Variants in DNM3 observed in about 807,000 individuals in gnomAD.
DNM3 encodes the protein dynamin-3.
A neutral mutation model predicts 101.6 loss-of-function variants in DNM3; 47 were observed. The ratio of observed to expected loss-of-function variants is 0.46; its 90% CI spans 0.37 to 0.59. The LOEUF (loss-of-function observed/expected upper bound fraction) is 0.59, where lower values mean the gene tolerates loss of function less well. DNM3 is among the 20% of genes least tolerant of loss of function. DNM3 has a pLI of 0.00. For synonymous variants in DNM3, 385 were observed against 387.9 expected, an observed-to-expected ratio of 0.99 and a Z score of 0.09; for missense variants, 849 against 1,085.7, an observed-to-expected ratio of 0.78 and a Z score of 3.06.
chr1:172,343,158 C>T (rs900465787), intron 17 of DNM3, among the ~76,000 whole-genome samples: 18 of 152,120 alleles, frequency 1.2e-4, no homozygotes, highest in African/African-American at 4.3e-4. Context: ...GCTGATTAGA[C>T]ACCGTGTGGC....
chr1:172,045,908 A>G (rs931277655), intron 9 of DNM3, among the ~76,000 whole-genome samples: 1 of 152,176 alleles, frequency 6.6e-6, no homozygotes, highest in Non-Finnish European at 1.5e-5. Flanking sequence ...CAAAGGAGTT[A>G]TGATGCTTGA....
chr1:172,356,785 G>T (rs994994338), intron 17 of DNM3, among the ~76,000 whole-genome samples: 1 of 152,046 alleles, frequency 6.6e-6, no homozygotes, highest in Non-Finnish European at 1.5e-5. Context: ...CACAGAAAAA[G>T]ATAAGGTTAC....
At chr1:172,278,209 T>G (rs748485060) in intron 15 of DNM3, among the ~76,000 whole-genome samples, 1 of 151,710 alleles carries the variant, frequency 6.6e-6, no homozygotes, top group Non-Finnish European at 1.5e-5. Flanking sequence ...ATAGCTATGG[T>G]TTTTTTTCTG....
intron 15 of DNM3, among the ~76,000 whole-genome samples, chr1:172,295,434 A>G (rs957383382): frequency 1.3e-5 from 2 of 152,200 alleles, no homozygotes; most frequent in Non-Finnish European, 2.9e-5. Context: ...ATATGTCAGT[A>G]TTTCTAGATA....
chr1:172,072,889 A>G (rs766183653), intron 11 of DNM3, among the ~76,000 whole-genome samples: 1 of 152,332 alleles, frequency 6.6e-6, no homozygotes, highest in Middle Eastern at 3.4e-3. Context: ...TTGTCTCAAA[A>G]AACAACAACA....
intron 1 of DNM3, among the ~76,000 whole-genome samples, chr1:171,892,553 C>T (rs752113904): frequency 6.6e-6 from 1 of 152,224 alleles, no homozygotes; most frequent in Admixed American, 6.5e-5. Flanking sequence ...CTAGCCTCCT[C>T]CTCTTGCTTA....
intron 11 of DNM3, among the ~76,000 whole-genome samples, chr1:172,071,086 C>CATTTATATATATATATATATATAT (rs1553362024): frequency 1.5e-5 from 1 of 65,086 alleles, no homozygotes; most frequent in African/African-American, 7.7e-5. Context: ...CAAGACCCTG[C>CATTTATATATATATATATATATAT]ATATATATAT....
chr1:172,272,905 T>A (rs2421993), intron 15 of DNM3, among the ~76,000 whole-genome samples: 41,897 of 152,050 alleles, frequency 0.28, 5,912 homozygotes, highest in Middle Eastern at 0.39. Context: ...ATTTATCCTA[T>A]AAAATGCTTC....
rs116780096 is a variant in DNM3 at position 172,230,254 on chromosome 1, A to T, written c.1660-23319A>T. Among the ~76,000 whole-genome samples, 694 of 152,288 alleles carry T rather than the reference A, an allele frequency of 4.6e-3. 2 individuals carry two copies. Among genetic ancestry groups the T allele is most frequent in the African/African-American group, 0.016 (656 of 41,576 alleles). On this transcript the variant is annotated intron_variant, in intron 14 of 20. Transcript: ENST00000627582. ...CAAACTATAAAACTGGGTTTTTTCA[A>T]TTGAACAAAATTGTGGATGTGATAA...
At chr1:172,093,847 G>T (rs1258466979) in intron 13 of DNM3, 2 of 876,772 alleles carry the variant, frequency 2.3e-6, no homozygotes, top group Non-Finnish European at 3.5e-6. Context: ...AACTTAGGTT[G>T]TCTTGTCCGT....
chr1:172,258,358 T>C (rs954021627), intron 15 of DNM3, among the ~76,000 whole-genome samples: 2 of 152,146 alleles, frequency 1.3e-5, no homozygotes, highest in Non-Finnish European at 2.9e-5. Flanking sequence ...TTTTCCATAA[T>C]AGCTGTGCTG....
chr1:172,242,818 G>A (rs1427707727), intron 14 of DNM3, among the ~76,000 whole-genome samples: 1 of 152,070 alleles, frequency 6.6e-6, no homozygotes, highest in Non-Finnish European at 1.5e-5. Context: ...CACGCATGTG[G>A]GTACCAGGTG....
chr1:171,927,919 C>T (rs2040708756), intron 2 of DNM3, among the ~76,000 whole-genome samples: 1 of 152,174 alleles, frequency 6.6e-6, no homozygotes, highest in South Asian at 2.1e-4. Flanking sequence ...ATACTCTGGC[C>T]ATTTGAGTTA....
chr1:172,191,051 T>G (rs1336738042), intron 14 of DNM3, among the ~76,000 whole-genome samples: 1 of 152,178 alleles, frequency 6.6e-6, no homozygotes, highest in Non-Finnish European at 1.5e-5. Flanking sequence ...TTGGCTTTTG[T>G]TGCCATTGCT....
chr1:172,351,977 T>C (rs1451596116), intron 17 of DNM3, among the ~76,000 whole-genome samples: 3 of 152,156 alleles, frequency 2.0e-5, no homozygotes, highest in Non-Finnish European at 4.4e-5. Flanking sequence ...ACTAATACAA[T>C]AAACAACAGT....
At chr1:172,068,950 C>A in intron 11 of DNM3, 45 bp downstream of exon 11, 1 of 1,524,236 alleles carries the variant, frequency 6.6e-7, no homozygotes, top group South Asian at 1.2e-5. Flanking sequence ...TGTGGGAGGT[C>A]GAAGGTCTCT....
At chr1:172,092,610 A>G (rs2053985689) in intron 12 of DNM3, among the ~76,000 whole-genome samples, 1 of 152,108 alleles carries the variant, frequency 6.6e-6, no homozygotes, top group Admixed American at 6.5e-5. Context: ...TGGTGTTATT[A>G]TATTTTTGGT....
rs546539406 is a variant in DNM3, at chr1:172,324,313, G to A, written c.1893+973G>A. On this transcript the variant is annotated intron_variant, in intron 17 of 20. Transcript: ENST00000627582. ...GGCATATTCAAACCAGCTGGAATTC[G>A]TCAAAATTTCTGTTCATAAGCCATA... 5.9e-5 allele frequency among the ~76,000 whole-genome samples: 9 copies of A among 152,258 alleles called. No homozygotes were observed. In the South Asian group the frequency reaches 1.0e-3, roughly 18 times the overall value.
At chr1:172,356,691 A>G (rs1233443510) in intron 17 of DNM3, among the ~76,000 whole-genome samples, 1 of 151,980 alleles carries the variant, frequency 6.6e-6, no homozygotes, top group Admixed American at 6.6e-5. Context: ...CCCCCACAAC[A>G]CTGGAAGTAC....
Sources: gnomAD v4.1 joint callset for allele counts (sites outside exome capture counted in the v4.1 genomes callset) on GRCh38, gnomAD v4.1.1 for gene constraint, MANE v1.5 for transcripts, NCBI Gene and HGNC (gene_info 2026-07-23, HGNC 2026-07-21) for gene names.